SLC9A3: variants seen among roughly 807,000 people sequenced by gnomAD.
SLC9A3 encodes solute carrier family 9 member A3.
SLC9A3 carries 37 observed loss-of-function variants against 86.8 expected under a neutral mutation model. The observed-to-expected ratio is 0.43, with a 90% CI of 0.33 to 0.56. SLC9A3 has a LOEUF of 0.56. SLC9A3 is among the 20% of genes least tolerant of loss of function. The probability of loss-of-function intolerance (pLI) is 0.06; values close to 1 mark genes in which losing one functional copy is unlikely to be tolerated. For synonymous variants in SLC9A3, 581 were observed against 528.3 expected, an observed-to-expected ratio of 1.10 and a Z score of -1.37; for missense variants, 1,011 against 1,171.9, an observed-to-expected ratio of 0.86 and a Z score of 2.00.
chr5:504,871 C>T (rs1307914969), intron 1 of SLC9A3, among the ~76,000 whole-genome samples: 2 of 152,006 alleles, frequency 1.3e-5, no homozygotes, highest in South Asian at 2.1e-4. Flanking sequence ...GGGGCTCACA[C>T]CTCGGCTAGC....
intron 1 of SLC9A3, among the ~76,000 whole-genome samples, chr5:502,601 T>G (rs1451895663): frequency 1.3e-5 from 2 of 152,144 alleles, no homozygotes; most frequent in African/African-American, 4.8e-5. Flanking sequence ...GACCCTGGAA[T>G]CAGCAGACAA....
chr5:523,782 C>A (rs909975435), intron 1 of SLC9A3, among the ~76,000 whole-genome samples: 1 of 152,202 alleles, frequency 6.6e-6, no homozygotes, highest in African/African-American at 2.4e-5. Flanking sequence ...GGAAACCCGG[C>A]CCCGGGGACT....
chr5:494,771 G>A (rs1041969411), intron 1 of SLC9A3, among the ~76,000 whole-genome samples: 13 of 152,284 alleles, frequency 8.5e-5, no homozygotes, highest in Admixed American at 6.5e-4. Context: ...TGCTGCTGGC[G>A]ACGAGTGCCT....
chr5:523,295 C>T (rs1477604329), intron 1 of SLC9A3, among the ~76,000 whole-genome samples: 2 of 152,150 alleles, frequency 1.3e-5, no homozygotes, highest in Non-Finnish European at 2.9e-5. Context: ...CTCCTCGGCC[C>T]CAGCATCGAA....
intron 1 of SLC9A3, among the ~76,000 whole-genome samples, chr5:506,742 G>A (rs1428979708): frequency 6.6e-6 from 1 of 152,186 alleles, no homozygotes; most frequent in Non-Finnish European, 1.5e-5. Flanking sequence ...GGAAAACGAA[G>A]GATAAAACGT....
Position 479,753 on chromosome 5 carries a change from C to T in SLC9A3, c.1647+83G>A, listed in dbSNP as rs895430201. On this transcript the variant is annotated intron_variant, in intron 10 of 16. Coordinates refer to ENST00000264938, the MANE Select transcript of SLC9A3 (RefSeq NM_004174.4). ...GGCCTTGGGACGCGGGTGCAGGGGC[C>T]TCTCCTCACTGCCCCATGGCACCCA... The T allele has an allele frequency of 5.2e-6, 7 of 1,354,690 alleles. No individual in the cohort carries two copies. In the African/African-American group the frequency reaches 7.8e-5, roughly 15 times the overall value. 83.9% of individuals were successfully genotyped at this position (1,354,690 alleles called of 1,614,324 possible). A position where few individuals can be genotyped will look rare whatever the true frequency, so the allele number is the denominator to read the frequency against.
Position 477,324 on chromosome 5 carries a change from C to G in SLC9A3, c.1760+8G>C. Reference sequence around the variant, plus strand: ...CCCCAGGGAAGCTGCATGACCATGGCCACATACAGGAGGTAGGAGACAGAG... The same window carrying G: ...CCCCAGGGAAGCTGCATGACCATGGGCACATACAGGAGGTAGGAGACAGAG... On this transcript the variant is annotated splice_region_variant and intron_variant, in intron 11 of 16. Transcript: ENST00000264938. 2 of 1,576,070 alleles carry G rather than the reference C, an allele frequency of 1.3e-6. No homozygotes were observed. The highest frequency in any genetic ancestry group is 1.7e-6 in the Non-Finnish European group (2 of 1,150,684).
rs929223666 is a variant in SLC9A3 at position 491,218 on chromosome 5, C to T, written c.514+551G>A. On this transcript the variant is annotated intron_variant, in intron 2 of 16. Coordinates refer to ENST00000264938, the MANE Select transcript of SLC9A3 (RefSeq NM_004174.4). This position sits in a 1 kb window ranked among gnomAD's most constrained non-coding sequence, Gnocchi z 9.2. ...GCTGTAGCATCCCCGGCAGCAGCGG[C>T]GGGCATCAGGGCTGCACCGCACCTG... Among the ~76,000 whole-genome samples, 3 of 152,148 alleles carry T rather than the reference C, an allele frequency of 2.0e-5. No individual in the cohort carries two copies. The highest frequency in any genetic ancestry group is 4.8e-5 in the African/African-American group (2 of 41,440).
At chr5:487,915 G>T (rs1051972100) in intron 3 of SLC9A3, among the ~76,000 whole-genome samples, 11 of 152,164 alleles carry the variant, frequency 7.2e-5, no homozygotes, top group Admixed American at 6.5e-4. Flanking sequence ...TGATCCACCT[G>T]CCTCGGCCTC....
intron 1 of SLC9A3, among the ~76,000 whole-genome samples, chr5:522,834 T>C (rs894727232): frequency 1.3e-5 from 2 of 151,994 alleles, no homozygotes; most frequent in East Asian, 1.9e-4. Context: ...GCTTTAGGAC[T>C]GGGCGGCCGC....
rs1579754247 is a variant in SLC9A3 at position 472,300 on chromosome 5, G to A, written c.*1079C>T. ...GTCCGGGGTCTAGGACAGGCTCAGG[G>A]GTCTCAGCAGGTTCTCCTTGGAGGG... On this transcript the variant is annotated 3_prime_UTR_variant, in exon 17 of 17. Coordinates refer to ENST00000264938, the MANE Select transcript of SLC9A3 (RefSeq NM_004174.4). 2.9e-6 allele frequency: 1 copy of A among 342,370 alleles called. No homozygotes were observed. Among genetic ancestry groups the A allele is most frequent in the Non-Finnish European group, 5.7e-6 (1 of 174,638 alleles). 21.2% of individuals were successfully genotyped at this position (342,370 alleles called of 1,614,324 possible).
At chr5:490,403 C>T (rs958761755) in intron 2 of SLC9A3, among the ~76,000 whole-genome samples, 1 of 152,058 alleles carries the variant, frequency 6.6e-6, no homozygotes, top group Admixed American at 6.5e-5. Flanking sequence ...CTTCATGGTG[C>T]AGGTGCAGCA....
In SLC9A3 at chr5:476,821, G is replaced by A. The variant is rs144611524; in HGVS notation, c.1761-149C>T. On this transcript the variant is annotated intron_variant, in intron 11 of 16. Coordinates refer to ENST00000264938, the MANE Select transcript of SLC9A3 (RefSeq NM_004174.4). Reference sequence around the variant, plus strand: ...GGTGGGCACCCGGCTGGGGCACGGGGACATCTGCCATCTGGCCAGCCCCTT... The same window carrying A: ...GGTGGGCACCCGGCTGGGGCACGGGAACATCTGCCATCTGGCCAGCCCCTT... The A allele has an allele frequency of 6.6e-5, 63 of 955,928 alleles. No individual in the cohort carries two copies. The Middle Eastern group carries it at 1.3e-3, about 20-fold the overall frequency. 59.2% of individuals were successfully genotyped at this position (955,928 alleles called of 1,614,324 possible). A position where few individuals can be genotyped will look rare whatever the true frequency, so the allele number is the denominator to read the frequency against.
Position 481,556 on chromosome 5 carries a change from G to A in SLC9A3, c.1517+9C>T. The stretch of plus-strand genomic sequence containing the variant: ...GTGCGACACCGCCGGGGCCGTCCCA[G>A]CCACTTACTTGTCTCTGAGATAATT... On this transcript the variant is annotated intron_variant, in intron 9 of 16. Coordinates refer to ENST00000264938, the MANE Select transcript of SLC9A3 (RefSeq NM_004174.4). 1 of 1,611,388 alleles carries A rather than the reference G, an allele frequency of 6.2e-7. No individual in the cohort carries two copies. The highest frequency in any genetic ancestry group is 2.2e-5 in the East Asian group (1 of 44,868).
At position 471,708 on chromosome 5, in the gene SLC9A3, A is replaced by G; in HGVS notation, c.*1671T>C. 2.3e-6 allele frequency: 1 copy of G among 443,606 alleles called. No homozygotes were observed. Among genetic ancestry groups the G allele is most frequent in the Non-Finnish European group, 4.6e-6 (1 of 219,418 alleles). 27.5% of individuals were successfully genotyped at this position (443,606 alleles called of 1,614,324 possible). A position where few individuals can be genotyped will look rare whatever the true frequency, so the allele number is the denominator to read the frequency against. ...TGGCTACGAAGTGTGGAGAATAACC[A>G]CTGAATCCCAAAAAGTCACTGCGCT... On this transcript the variant is annotated 3_prime_UTR_variant, in exon 17 of 17. Transcript: ENST00000264938.
At chr5:514,440 TG>T (rs1173118096) in intron 1 of SLC9A3, among the ~76,000 whole-genome samples, 5 of 152,312 alleles carry the variant, frequency 3.3e-5, no homozygotes, top group African/African-American at 1.2e-4. Flanking sequence ...TCCCCCTTCC[TG>T]GGGCCCACCC....
At chr5:483,206 C>T (rs897319048) in intron 6 of SLC9A3, 56 bp downstream of exon 6, 56 of 1,353,948 alleles carry the variant, frequency 4.1e-5, no homozygotes, top group East Asian at 5.1e-5. Flanking sequence ...TGCGCCTTCC[C>T]GGAGACGGTG....
chr5:516,421 G>A (rs950281917), intron 1 of SLC9A3, among the ~76,000 whole-genome samples: 5 of 152,288 alleles, frequency 3.3e-5, no homozygotes, highest in Middle Eastern at 3.4e-3. Flanking sequence ...TCCTAAAAGT[G>A]GTTGGTATGC....
At position 473,168 on chromosome 5, in the gene SLC9A3, C is replaced by T; in HGVS notation, c.*211G>A. 1 of 448,044 alleles carries T rather than the reference C, an allele frequency of 2.2e-6. No homozygotes were observed. Among genetic ancestry groups the T allele is most frequent in the Admixed American group, 4.9e-5 (1 of 20,438 alleles). The allele number at this position is 448,044 out of a possible 1,614,324, so 27.8% of individuals were successfully genotyped here. ...CCGGCCCCGCCCCCGGCGCAGGCCC[C>T]GCCCCCGGCTCGCCCTCGGGCGGCT... On this transcript the variant is annotated 3_prime_UTR_variant, in exon 17 of 17. Transcript: ENST00000264938.
Sources: allele counts gnomAD v4.1 joint callset (sites outside exome capture counted in the v4.1 genomes callset), GRCh38; gene constraint gnomAD v4.1.1; non-coding constraint Gnocchi (gnomAD v3.1); transcripts MANE v1.5; gene names NCBI Gene and HGNC (gene_info 2026-07-23, HGNC 2026-07-21).